The following GRIK2 variants were observed in gnomAD, a reference collection of about 807,000 sequenced individuals.
The protein encoded by GRIK2 is glutamate ionotropic receptor kainate type subunit 2, also known as glutamate receptor ionotropic, kainate 2.
A neutral mutation model predicts 100.3 loss-of-function variants in GRIK2; 32 were observed. The ratio of observed to expected loss-of-function variants is 0.32; its 90% CI spans 0.24 to 0.43. GRIK2 has a LOEUF of 0.43. Among genes scored for constraint, GRIK2 ranks in the 20% least tolerant of loss-of-function variants. The pLI, the probability that GRIK2 is intolerant of heterozygous loss-of-function variation, is 1.00. For synonymous variants in GRIK2, 417 were observed against 389.4 expected (o/e 1.07, Z -0.83); for missense variants, 843 against 1,114.9 (o/e 0.76, Z 3.47).
chr6:101,843,718 T>C (rs923416521), intron 10 of GRIK2, among the ~76,000 whole-genome samples: 1 of 152,200 alleles, frequency 6.6e-6, no homozygotes, highest in African/African-American at 2.4e-5. Context: ...TTTTAAATAA[T>C]GATGCTAAGG....
chr6:101,788,040 T>A (rs1197389418), intron 7 of GRIK2, among the ~76,000 whole-genome samples: 1 of 151,806 alleles, frequency 6.6e-6, no homozygotes, highest in Non-Finnish European at 1.5e-5. Context: ...TGTCATTATA[T>A]AATGACCTGG....
At chr6:101,960,201 T>C (rs1307126177) in intron 14 of GRIK2, among the ~76,000 whole-genome samples, 2 of 147,020 alleles carry the variant, frequency 1.4e-5, no homozygotes, top group African/African-American at 2.7e-5. Flanking sequence ...GTTCTGTTTT[T>C]TTAAAAATTA....
At chr6:101,714,484 G>A (rs781151276) in intron 7 of GRIK2, among the ~76,000 whole-genome samples, 12 of 151,712 alleles carry the variant, frequency 7.9e-5, no homozygotes, top group Non-Finnish European at 8.9e-5. Context: ...AGACTTTAAT[G>A]TTGTATTCCA....
At chr6:101,422,660 G>A (rs1776465770) in intron 2 of GRIK2, among the ~76,000 whole-genome samples, 1 of 150,770 alleles carries the variant, frequency 6.6e-6, no homozygotes. Context: ...CCCTGCCTTT[G>A]AGTAAAAAGA....
chr6:101,475,728 C>T (rs77353852), intron 2 of GRIK2, among the ~76,000 whole-genome samples: 5,154 of 151,768 alleles, frequency 0.034, 129 homozygotes, highest in Admixed American at 0.07. Context: ...GGGTAGCATA[C>T]GAAATGTCTT....
intron 7 of GRIK2, among the ~76,000 whole-genome samples, chr6:101,725,478 T>A (rs1056195967): frequency 5.3e-5 from 8 of 152,038 alleles, no homozygotes; most frequent in Non-Finnish European, 1.2e-4. Flanking sequence ...AACGATAATT[T>A]AACCATCTGT....
chr6:101,682,043 TTAATTA>T (rs1267586259), intron 5 of GRIK2, among the ~76,000 whole-genome samples: 4 of 152,186 alleles, frequency 2.6e-5, no homozygotes, highest in African/African-American at 9.7e-5. Context: ...AAACATTTCT[TTAATTA>T]TATGTAATTT....
rs1458607071 is a variant in GRIK2, at chr6:101,967,426, C to A, written c.2085+38794C>A. Among the ~76,000 whole-genome samples the A allele has an allele frequency of 2.0e-5, 3 of 151,982 alleles. No homozygotes were observed. In the East Asian group the frequency reaches 5.8e-4, roughly 29 times the overall value. ...AATATTCTATGTATTTGGGAATATT[C>A]AATTTACATAAGCACTTTTTAAAAA... On this transcript the variant is annotated intron_variant, in intron 14 of 16. Transcript: ENST00000369134.
At chr6:101,898,670 T>G (rs2128460714) in intron 12 of GRIK2, among the ~76,000 whole-genome samples, 1 of 151,758 alleles carries the variant, frequency 6.6e-6, no homozygotes, top group East Asian at 1.9e-4. Flanking sequence ...ATTAGCTACG[T>G]GTTATAAAGC....
chr6:102,041,951 T>C (rs1325402551), intron 15 of GRIK2, among the ~76,000 whole-genome samples: 1 of 151,620 alleles, frequency 6.6e-6, no homozygotes, highest in African/African-American at 2.4e-5. Flanking sequence ...TATGACCCAC[T>C]GTTAACCAGC....
chr6:101,970,251 C>G (rs1373547325), intron 14 of GRIK2, among the ~76,000 whole-genome samples: 1 of 150,834 alleles, frequency 6.6e-6, no homozygotes, highest in East Asian at 2.0e-4. Flanking sequence ...ATGTGGCCAT[C>G]TCAAGCAGCT....
chr6:102,003,343 T>C (rs776031290), intron 14 of GRIK2, among the ~76,000 whole-genome samples: 17 of 151,722 alleles, frequency 1.1e-4, no homozygotes, highest in African/African-American at 1.7e-4. Context: ...CACGCACTCA[T>C]GCTTATGTTT....
At chr6:101,919,824 C>A (rs1789377264) in intron 12 of GRIK2, among the ~76,000 whole-genome samples, 1 of 151,562 alleles carries the variant, frequency 6.6e-6, no homozygotes, top group African/African-American at 2.4e-5. Flanking sequence ...AGGAACAAGA[C>A]AATGGATTTA....
At chr6:101,619,920 G>A (rs562773728) in intron 2 of GRIK2, among the ~76,000 whole-genome samples, 83 of 152,228 alleles carry the variant, frequency 5.5e-4, no homozygotes, top group African/African-American at 2.0e-3. Flanking sequence ...TTTGACCAGA[G>A]GGGTAATTCC....
intron 6 of GRIK2, among the ~76,000 whole-genome samples, chr6:101,683,791 C>A (rs1276413928): frequency 5.9e-5 from 9 of 152,152 alleles, no homozygotes; most frequent in African/African-American, 2.2e-4. Flanking sequence ...ACTTTAGTGT[C>A]CTCTGAATTG....
chr6:101,713,482 T>C (rs1207859900), intron 7 of GRIK2, among the ~76,000 whole-genome samples: 1 of 151,772 alleles, frequency 6.6e-6, no homozygotes, highest in Non-Finnish European at 1.5e-5. Context: ...TGAAGAAATA[T>C]GTTTATCAAA....
intron 2 of GRIK2, among the ~76,000 whole-genome samples, chr6:101,554,356 G>A (rs1036853340): frequency 6.6e-6 from 1 of 152,066 alleles, no homozygotes; most frequent in Non-Finnish European, 1.5e-5. Context: ...ATTGTTAGAG[G>A]TGACTAAAGT....
intron 14 of GRIK2, among the ~76,000 whole-genome samples, chr6:101,951,808 T>C (rs1791621360): frequency 6.6e-6 from 1 of 152,212 alleles, no homozygotes; most frequent in African/African-American, 2.4e-5. Flanking sequence ...TCCACCATGA[T>C]TGTGAAGCCT....
chr6:101,719,728 A>T (rs1057300086), intron 7 of GRIK2, among the ~76,000 whole-genome samples: 5 of 152,024 alleles, frequency 3.3e-5, no homozygotes, highest in Non-Finnish European at 7.4e-5. Context: ...GGAGGCGATT[A>T]AGGCCCCCTC....
Sources: gnomAD v4.1 joint callset for allele counts (sites outside exome capture counted in the v4.1 genomes callset) on GRCh38, gnomAD v4.1.1 for gene constraint, MANE v1.5 for transcripts, NCBI Gene and HGNC (gene_info 2026-07-23, HGNC 2026-07-21) for gene names.